Variants in KPNA6 observed in about 807,000 individuals in gnomAD.
The protein encoded by KPNA6 is importin subunit alpha-7.
A neutral mutation model predicts 72.0 loss-of-function variants in KPNA6; 9 were observed. That is an observed-to-expected ratio of 0.13 (90% CI 0.08 to 0.22). The LOEUF (loss-of-function observed/expected upper bound fraction) is 0.22, where lower values mean the gene tolerates loss of function less well. Among genes scored for constraint, KPNA6 ranks in the 10% least tolerant of loss-of-function variants. KPNA6 has a pLI of 1.00. For synonymous variants in KPNA6, 219 were observed against 242.1 expected (o/e 0.90, Z 0.89); for missense variants, 374 against 655.7 (o/e 0.57, Z 4.69).
At chr1:32,117,491 TAAA>T (rs34416235) in intron 1 of KPNA6, among the ~76,000 whole-genome samples, 2 of 149,654 alleles carry the variant, frequency 1.3e-5, no homozygotes, top group African/African-American at 4.9e-5. Flanking sequence ...TTTTTTTTTT[TAAA>T]AAAAACACAC....
chr1:32,117,994 G>A (rs960219178), intron 1 of KPNA6, among the ~76,000 whole-genome samples: 1 of 150,698 alleles, frequency 6.6e-6, no homozygotes, highest in South Asian at 2.1e-4. Context: ...CACAATCTCC[G>A]CTCACCGCAA....
At chr1:32,142,671 A>T (rs1416870492) in intron 1 of KPNA6, among the ~76,000 whole-genome samples, 2 of 152,202 alleles carry the variant, frequency 1.3e-5, no homozygotes, top group East Asian at 3.8e-4. Flanking sequence ...TTCCTTGACT[A>T]AGAAAACCCA....
At chr1:32,147,542 C>T (rs1450639144) in intron 1 of KPNA6, among the ~76,000 whole-genome samples, 1 of 151,934 alleles carries the variant, frequency 6.6e-6, no homozygotes, top group Non-Finnish European at 1.5e-5. Flanking sequence ...AAGTAATCGT[C>T]TGGCCTTGTC....
At chr1:32,168,378 AC>A (rs1642376821) in intron 12 of KPNA6, among the ~76,000 whole-genome samples, 1 of 152,314 alleles carries the variant, frequency 6.6e-6, no homozygotes, top group East Asian at 1.9e-4. Context: ...TTTAGTAGAA[AC>A]GGGGTTTCAC....
At chr1:32,108,718 G>A (rs1641192112) in intron 1 of KPNA6, among the ~76,000 whole-genome samples, 1 of 152,232 alleles carries the variant, frequency 6.6e-6, no homozygotes, top group Non-Finnish European at 1.5e-5. Flanking sequence ...GTGTGGTTCG[G>A]TTGGGCTCAG....
intron 1 of KPNA6, among the ~76,000 whole-genome samples, chr1:32,112,201 C>T (rs1158227898): frequency 6.6e-6 from 1 of 152,126 alleles, no homozygotes; most frequent in East Asian, 1.9e-4. Flanking sequence ...TATTTTAACC[C>T]AGGTTGCACC....
intron 1 of KPNA6, among the ~76,000 whole-genome samples, chr1:32,151,844 G>A (rs1336230587): frequency 9.9e-5 from 15 of 152,104 alleles, no homozygotes. Flanking sequence ...GGCAACAAAG[G>A]GCATTGTTAA....
chr1:32,156,847 T>C lies in KPNA6; in HGVS notation c.139-6T>C. 16 of 1,611,444 alleles carry C rather than the reference T, an allele frequency of 9.9e-6. No individual in the cohort carries two copies. The highest frequency in any genetic ancestry group is 1.4e-5 in the Non-Finnish European group (16 of 1,177,630). ...GTACTCTTAACCACTGTCTCTTTACTTTCAGCTTTTTAAACGGAGAAATGT... is the reference window on the plus strand; with the variant it reads ...GTACTCTTAACCACTGTCTCTTTACCTTCAGCTTTTTAAACGGAGAAATGT... On this transcript the variant is annotated splice_polypyrimidine_tract_variant and splice_region_variant and intron_variant, in intron 2 of 13. Coordinates refer to ENST00000373625, the MANE Select transcript of KPNA6 (RefSeq NM_012316.5).
chr1:32,143,917 T>A (rs901235211), intron 1 of KPNA6, among the ~76,000 whole-genome samples: 1 of 152,194 alleles, frequency 6.6e-6, no homozygotes, highest in Admixed American at 6.6e-5. Context: ...AGACCTTCAT[T>A]CCTTTTTTGG....
At chr1:32,137,349 AT>A (rs1320290016) in intron 1 of KPNA6, among the ~76,000 whole-genome samples, 1 of 151,442 alleles carries the variant, frequency 6.6e-6, no homozygotes, top group South Asian at 2.1e-4. Flanking sequence ...AATTTTTGAA[AT>A]TTTTTTCAGA....
intron 1 of KPNA6, 66 bp downstream of exon 1, chr1:32,108,200 A>T (rs1193322772): frequency 2.5e-6 from 4 of 1,606,514 alleles, no homozygotes; most frequent in African/African-American, 1.3e-5. Flanking sequence ...GGATTTGGCG[A>T]GAGCCTGTCT....
chr1:32,133,071 C>G (rs543443943), intron 1 of KPNA6, among the ~76,000 whole-genome samples: 1 of 151,272 alleles, frequency 6.6e-6, no homozygotes. Flanking sequence ...GGGCTGGGTG[C>G]GGGGTCTCAC....
intron 1 of KPNA6, among the ~76,000 whole-genome samples, chr1:32,133,632 G>A (rs1641680489): frequency 6.6e-6 from 1 of 152,054 alleles, no homozygotes; most frequent in Non-Finnish European, 1.5e-5. Context: ...GCTGCAGGGA[G>A]TTGATTGCAC....
At position 32,157,592 on chromosome 1, in the gene KPNA6, A is replaced by C. The variant is rs540092845; in HGVS notation, c.331+147A>C. 4 of 603,716 alleles carry C rather than the reference A, an allele frequency of 6.6e-6. No individual in the cohort carries two copies. In the East Asian group the frequency reaches 1.1e-4, roughly 17 times the overall value. 37.4% of individuals were successfully genotyped at this position (603,716 alleles called of 1,614,324 possible). On this transcript the variant is annotated intron_variant, in intron 4 of 13. Transcript: ENST00000373625. ...GCTTGTACAAGATAGACACATTGCT[A>C]CCTTCACACTGGATACTTCCTCTGC...
chr1:32,138,531 G>A (rs964749842), intron 1 of KPNA6, among the ~76,000 whole-genome samples: 43 of 118,748 alleles, frequency 3.6e-4, no homozygotes, highest in African/African-American at 1.2e-3. Flanking sequence ...CAACAAGAGC[G>A]AAACTCCATC....
chr1:32,154,971 C>T (rs151309672), intron 2 of KPNA6, among the ~76,000 whole-genome samples: 28 of 152,102 alleles, frequency 1.8e-4, no homozygotes, highest in African/African-American at 6.0e-4. Context: ...ATTAGCCGGA[C>T]GTGGTGGCAT....
intron 12 of KPNA6, among the ~76,000 whole-genome samples, chr1:32,168,715 C>T (rs1236914554): frequency 6.6e-6 from 1 of 152,084 alleles, no homozygotes; most frequent in Non-Finnish European, 1.5e-5. Flanking sequence ...GAATCAGAAA[C>T]CTGGAGACCT....
In KPNA6 at chr1:32,172,321, T is replaced by A. The variant is rs1379181084; in HGVS notation, c.*1427T>A. 6.6e-6 allele frequency: 1 copy of A among 152,140 alleles called. No homozygotes were observed. The highest frequency in any genetic ancestry group is 1.9e-4 in the East Asian group (1 of 5,170). 9.4% of individuals were successfully genotyped at this position (152,140 alleles called of 1,614,324 possible). ...GGACCTGAAGGGAGCAAGGATGGCC[T>A]CAGGGCCTGGTGAAGTCTGCTACTC... is the stretch of plus-strand genomic sequence containing the variant. On this transcript the variant is annotated 3_prime_UTR_variant, in exon 14 of 14. Coordinates refer to ENST00000373625, the MANE Select transcript of KPNA6 (RefSeq NM_012316.5).
At chr1:32,112,755 T>C (rs1416926201) in intron 1 of KPNA6, among the ~76,000 whole-genome samples, 1 of 152,176 alleles carries the variant, frequency 6.6e-6, no homozygotes, top group Non-Finnish European at 1.5e-5. Flanking sequence ...CCTCCCAAAG[T>C]GCTGGGATTA....
Sources: gnomAD v4.1 joint callset for allele counts (sites outside exome capture counted in the v4.1 genomes callset) on GRCh38, gnomAD v4.1.1 for gene constraint, MANE v1.5 for transcripts, NCBI Gene and HGNC (gene_info 2026-07-23, HGNC 2026-07-21) for gene names.